Variants in TSPAN19 observed in about 807,000 individuals in gnomAD.
The protein encoded by TSPAN19 is tetraspanin 19, also known as tetraspanin-19.
Under a neutral mutation model 35.1 loss-of-function variants are expected in TSPAN19, and 44 were observed. The observed-to-expected ratio is 1.25, with a 90% CI of 0.98 to 1.61. TSPAN19 has a LOEUF of 1.61. Ranked by LOEUF, TSPAN19 falls within the 40% of genes most tolerant of loss-of-function variation. TSPAN19 has a pLI of 0.00. For synonymous variants in TSPAN19, 79 were observed against 92.0 expected, an observed-to-expected ratio of 0.86 and a Z score of 0.81; for missense variants, 290 against 280.0, an observed-to-expected ratio of 1.04 and a Z score of -0.26.
At chr12:85,027,292 G>A (rs1262748926) in intron 4 of TSPAN19, among the ~76,000 whole-genome samples, 1 of 151,994 alleles carries the variant, frequency 6.6e-6, no homozygotes, top group Non-Finnish European at 1.5e-5. Context: ...AAGAGGGGAG[G>A]AAAAGAGTGG....
intron 1 of TSPAN19, among the ~76,000 whole-genome samples, chr12:85,030,385 G>A (rs1877628282): frequency 6.6e-6 from 1 of 151,944 alleles, no homozygotes; most frequent in Non-Finnish European, 1.5e-5. Context: ...AATATACCTT[G>A]TTCCCTTGGC....
At chr12:85,027,657 C>G (rs535670056) in intron 4 of TSPAN19, among the ~76,000 whole-genome samples, 1 of 152,126 alleles carries the variant, frequency 6.6e-6, no homozygotes, top group Non-Finnish European at 1.5e-5. Context: ...CCTATTGACT[C>G]TGTGTTGAAA....
chr12:85,030,477 T>A (rs1045337821), intron 1 of TSPAN19, among the ~76,000 whole-genome samples: 1 of 152,036 alleles, frequency 6.6e-6, no homozygotes, highest in Non-Finnish European at 1.5e-5. Flanking sequence ...GGTTTGGGGA[T>A]CTTTCTCTTA....
Position 85,017,489 on chromosome 12 carries a change from A to G in TSPAN19, c.561T>C (p.Phe187=). The change falls in exon 7 of 9, where the codon TTT becomes TTC. Residue 187 remains phenylalanine (F), a synonymous_variant. Coordinates refer to ENST00000532498, the MANE Select transcript of TSPAN19 (RefSeq NM_001100917.2). The part of the protein sequence containing the change: ...SCTKSTLRKW[F]CDEPLNATYL... ...AAGTTGCATTCAGTGGCTCATCACAAAACCATTTTCTTAAAGTTGACTTTG... is the reference window on the plus strand; with the variant it reads ...AAGTTGCATTCAGTGGCTCATCACAGAACCATTTTCTTAAAGTTGACTTTG... The G allele has an allele frequency of 6.2e-7, 1 of 1,609,222 alleles. No homozygotes were observed. The highest frequency in any genetic ancestry group is 1.1e-5 in the South Asian group (1 of 90,460).
chr12:85,020,196 A>T (rs1419011103), intron 5 of TSPAN19, among the ~76,000 whole-genome samples: 2 of 151,836 alleles, frequency 1.3e-5, no homozygotes, highest in African/African-American at 4.8e-5. Flanking sequence ...TAGAAGTTGT[A>T]GAAAACTATA....
chr12:85,024,084 A>T lies in TSPAN19; in HGVS notation c.265-684T>A, dbSNP rs751079586. Among the ~76,000 whole-genome samples the T allele has an allele frequency of 5.9e-5, 9 of 152,310 alleles. 1 individual carries two copies. In the South Asian group the frequency reaches 1.7e-3, roughly 28 times the overall value. On this transcript the variant is annotated intron_variant, in intron 4 of 8. Coordinates refer to ENST00000532498, the MANE Select transcript of TSPAN19 (RefSeq NM_001100917.2). ...TGGTAAACTACCAGTTCATTCTGTG[A>T]GGAGAGGGTAGAGAGAAGCATTTAG...
chr12:85,016,353 T>G (rs551456708), intron 7 of TSPAN19: 43 of 156,776 alleles, frequency 2.7e-4, no homozygotes, highest in Non-Finnish European at 5.1e-4. Flanking sequence ...TTACATGTCT[T>G]CCTATAGAAA....
At position 85,027,522 on chromosome 12, in the gene TSPAN19, A is replaced by ATAGAT. The variant is rs1371556210; in HGVS notation, c.264+372_264+376dup. 3.3e-5 allele frequency among the ~76,000 whole-genome samples: 5 copies of ATAGAT among 151,992 alleles called. No individual in the cohort carries two copies. In the East Asian group the frequency reaches 9.6e-4, roughly 29 times the overall value. On this transcript the variant is annotated intron_variant, in intron 4 of 8. Transcript: ENST00000532498. ...CCACAGAGAGAAAAATGTGCTGACTATAGATCATGTTTCTTTTTCCCTGGT... is the reference window on the plus strand; with the variant it reads ...CCACAGAGAGAAAAATGTGCTGACTATAGATTAGATCATGTTTCTTTTTCCCTGGT...
At position 85,015,890 on chromosome 12, in the gene TSPAN19, C is replaced by G. The variant is rs1248431838; in HGVS notation, c.676G>C (p.Glu226Gln). 6.5e-6 allele frequency: 10 copies of G among 1,543,264 alleles called. No homozygotes were observed. The Admixed American group carries it at 2.0e-4, about 31-fold the overall frequency. ...TTAACATATGAACAAAAGCTTACCT[C>G]TGAAGTTAAAAGTCCAAAGTTAATT... ...IGINFGLLTSEVFQVSLTVCF... is the reference protein window; with the variant it reads ...IGINFGLLTSQVFQVSLTVCF... Residue 226 changes from glutamate (E) to glutamine (Q), a missense_variant and splice_region_variant, in exon 8 of 9, where the codon GAG becomes CAG. Physicochemically the swap from Glu to Gln is conservative, Grantham distance 29. Transcript: ENST00000532498.
chr12:85,020,345 T>C (rs1019738250), intron 5 of TSPAN19, among the ~76,000 whole-genome samples: 23 of 152,092 alleles, frequency 1.5e-4, no homozygotes, highest in Admixed American at 1.4e-3. Flanking sequence ...CTCCTTTGAA[T>C]TAGTTTTCTA....
intron 4 of TSPAN19, 149 bp from the exon 5 acceptor site, chr12:85,023,549 T>A (rs1329294466): frequency 2.8e-5 from 16 of 567,342 alleles, no homozygotes; most frequent in Non-Finnish European, 9.0e-6. Context: ...CAAATATGAA[T>A]GAAATTAGTG....
At chr12:85,025,955 C>T (rs946003444) in intron 4 of TSPAN19, among the ~76,000 whole-genome samples, 1 of 152,164 alleles carries the variant, frequency 6.6e-6, no homozygotes, top group Non-Finnish European at 1.5e-5. Context: ...AAAAGTGTCA[C>T]AATGGCCAAA....
intron 5 of TSPAN19, among the ~76,000 whole-genome samples, chr12:85,020,269 C>T (rs1877053064): frequency 1.3e-5 from 2 of 151,546 alleles, no homozygotes; most frequent in Non-Finnish European, 2.9e-5. Flanking sequence ...ATATTTAATT[C>T]CTTCTCTCTC....
intron 6 of TSPAN19, 48 bp downstream of exon 6, chr12:85,019,578 C>T (rs1175081311): frequency 8.6e-7 from 1 of 1,161,844 alleles, no homozygotes; most frequent in East Asian, 2.4e-5. Context: ...TCTTCTGTCC[C>T]ACAGTGGTCA....
rs199570809 is a variant in TSPAN19, at chr12:85,029,953, T to C, written c.-7A>G. ...TTTTGTTATTTCTTAACATTCTTTT[T>C]CTTCCAAGATATTGATGATTCTGAA... On this transcript the variant is annotated 5_prime_UTR_variant, in exon 2 of 9. Transcript: ENST00000532498. The C allele has an allele frequency of 5.5e-6, 8 of 1,441,998 alleles. No homozygotes were observed. The highest frequency in any genetic ancestry group is 2.4e-4 in the Middle Eastern group (1 of 4,108). 89.3% of individuals were successfully genotyped at this position (1,441,998 alleles called of 1,614,324 possible). A position where few individuals can be genotyped will look rare whatever the true frequency, so the allele number is the denominator to read the frequency against.
intron 1 of TSPAN19, among the ~76,000 whole-genome samples, chr12:85,034,048 G>A (rs569971158): frequency 6.6e-6 from 1 of 152,028 alleles, no homozygotes; most frequent in African/African-American, 2.4e-5. Context: ...CTGTGAAGTG[G>A]TTGGTCATGA....
intron 3 of TSPAN19, 72 bp downstream of exon 3, chr12:85,029,647 A>G: frequency 5.1e-6 from 6 of 1,173,314 alleles, no homozygotes; most frequent in Non-Finnish European, 6.0e-6. Context: ...CACCTGCTGA[A>G]TAAATTGTGT....
chr12:85,016,042 TA>T, intron 7 of TSPAN19, 71 bp from the exon 8 acceptor site: 1 of 1,000,138 alleles, frequency 1.0e-6, no homozygotes, highest in South Asian at 1.7e-5. Context: ...TTACAAAAAA[TA>T]AAAGGTAAAC....
chr12:85,027,793 A>G, intron 4 of TSPAN19, 106 bp downstream of exon 4: 1 of 1,125,912 alleles, frequency 8.9e-7, no homozygotes, highest in Non-Finnish European at 1.2e-6. Context: ...CTCTAAGGAC[A>G]TACTCTACTG....
Sources: allele counts gnomAD v4.1 joint callset (sites outside exome capture counted in the v4.1 genomes callset), GRCh38; gene constraint gnomAD v4.1.1; transcripts MANE v1.5; gene names NCBI Gene and HGNC (gene_info 2026-07-23, HGNC 2026-07-21).